Variants in MEGF10 observed in about 807,000 individuals in gnomAD.
The protein encoded by MEGF10 is multiple epidermal growth factor-like domains protein 10.
In MEGF10, 86 loss-of-function variants were observed where a neutral mutation model predicts 147.5. The observed-to-expected ratio is 0.58, with a 90% CI of 0.49 to 0.70. The LOEUF is 0.70. Among genes scored for constraint, MEGF10 ranks in the 30% least tolerant of loss-of-function variants. The pLI is 0.00. For synonymous variants in MEGF10, 478 were observed against 525.5 expected, an observed-to-expected ratio of 0.91 and a Z score of 1.24; for missense variants, 1,329 against 1,487.3, an observed-to-expected ratio of 0.89 and a Z score of 1.75.
intron 5 of MEGF10, among the ~76,000 whole-genome samples, chr5:127,372,799 G>C (rs949401191): frequency 6.6e-6 from 1 of 152,174 alleles, no homozygotes; most frequent in Admixed American, 6.5e-5. Context: ...CATCACTGGT[G>C]TCATCACTTG....
chr5:127,357,822 A>C (rs895234121), intron 4 of MEGF10, among the ~76,000 whole-genome samples: 1 of 152,194 alleles, frequency 6.6e-6, no homozygotes, highest in African/African-American at 2.4e-5. Flanking sequence ...TTCATCTTCC[A>C]TGGAAAAATC....
chr5:127,312,993 T>A (rs2126743390), intron 1 of MEGF10, among the ~76,000 whole-genome samples: 1 of 152,340 alleles, frequency 6.6e-6, no homozygotes, highest in African/African-American at 2.4e-5. Context: ...TTCTTTCTTT[T>A]TAAATGATGA....
At chr5:127,250,772 A>C in the MEGF10 span, among the ~76,000 whole-genome samples, 2 of 152,032 alleles carry the variant, frequency 1.3e-5, no homozygotes, top group Non-Finnish European at 2.9e-5. Flanking sequence ...AAATCCAAGG[A>C]ATTATCTGAA....
rs74573642 is a variant in MEGF10, at chr5:127,378,857, G to GT, written c.412+8867dup. On this transcript the variant is annotated intron_variant, in intron 5 of 24. Transcript: ENST00000503335. The stretch of plus-strand genomic sequence containing the variant: ...AAGTTTTATTTTGTTTTTGTTTTTG[G>GT]TTTTTTTTTTTTGGTGCATTATTTC... Among the ~76,000 whole-genome samples the GT allele has an allele frequency of 8.3e-3, 1,190 of 143,434 alleles. 7 individuals are homozygous for GT. The highest frequency in any genetic ancestry group is 0.012 in the Non-Finnish European group (780 of 65,122). 94.1% of individuals were successfully genotyped at this position (143,434 alleles called of 152,430 possible).
intron 4 of MEGF10, 65 bp from the exon 5 acceptor site, chr5:127,369,845 G>T: frequency 7.8e-7 from 1 of 1,281,148 alleles, no homozygotes; most frequent in South Asian, 1.3e-5. Flanking sequence ...ATGTGCAACA[G>T]CTGTGTTGTT....
the MEGF10 span, among the ~76,000 whole-genome samples, chr5:127,274,333 A>G: frequency 5.9e-5 from 9 of 152,220 alleles, no homozygotes; most frequent in Non-Finnish European, 1.2e-4. Flanking sequence ...AAGAAACCTG[A>G]AAATGGACTA....
intron 5 of MEGF10, among the ~76,000 whole-genome samples, chr5:127,391,101 C>CGCGT (rs1465416954): frequency 7.7e-5 from 2 of 26,038 alleles, no homozygotes; most frequent in Non-Finnish European, 2.5e-4. Flanking sequence ...CGCGCGCGCG[C>CGCGT]GCACACACAC....
chr5:127,342,612 A>G (rs996514453), intron 4 of MEGF10, among the ~76,000 whole-genome samples: 18 of 152,114 alleles, frequency 1.2e-4, no homozygotes, highest in African/African-American at 4.3e-4. Context: ...GCATAATTCA[A>G]CACCTCCGTT....
intron 1 of MEGF10, among the ~76,000 whole-genome samples, chr5:127,324,406 A>G (rs1341875341): frequency 6.6e-6 from 1 of 152,174 alleles, no homozygotes; most frequent in African/African-American, 2.4e-5. Context: ...TAGGAAATAA[A>G]CAGATTGAAC....
the MEGF10 span, among the ~76,000 whole-genome samples, chr5:127,245,337 A>G: frequency 6.6e-6 from 1 of 152,186 alleles, no homozygotes; most frequent in Non-Finnish European, 1.5e-5. Flanking sequence ...GACAAACCTG[A>G]CAAAACACAA....
intron 4 of MEGF10, among the ~76,000 whole-genome samples, chr5:127,349,691 T>G (rs182853146): frequency 0.022 from 3,305 of 150,356 alleles, 97 homozygotes; most frequent in Middle Eastern, 0.11. Flanking sequence ...CCTTTTTTTT[T>G]TTGTTTTTTT....
At chr5:127,445,896 A>T (rs1390035097) in intron 20 of MEGF10, among the ~76,000 whole-genome samples, 1 of 152,184 alleles carries the variant, frequency 6.6e-6, no homozygotes, top group Non-Finnish European at 1.5e-5. Flanking sequence ...GGTTTGCTAT[A>T]AGGGTTTTAA....
At chr5:127,275,478 T>G in the MEGF10 span, among the ~76,000 whole-genome samples, 1 of 152,178 alleles carries the variant, frequency 6.6e-6, no homozygotes, top group African/African-American at 2.4e-5. Context: ...GCAAGGGACA[T>G]AGAAACTACT....
At chr5:127,321,582 G>C (rs1057056049) in intron 1 of MEGF10, among the ~76,000 whole-genome samples, 5 of 152,026 alleles carry the variant, frequency 3.3e-5, no homozygotes, top group Non-Finnish European at 7.4e-5. Context: ...GTTTTCTTTT[G>C]ACCTTTGAGG....
chr5:127,265,283 T>C, the MEGF10 span, among the ~76,000 whole-genome samples: 1 of 152,200 alleles, frequency 6.6e-6, no homozygotes, highest in Non-Finnish European at 1.5e-5. Flanking sequence ...TATTCCATGG[T>C]GTATATGTGC....
At chr5:127,448,950 G>A in intron 21 of MEGF10, 149 bp from the exon 22 acceptor site, 2 of 938,434 alleles carry the variant, frequency 2.1e-6, no homozygotes, top group South Asian at 1.9e-5. Flanking sequence ...GTCCCACCAG[G>A]TTACAAGCAG....
rs1305221438 is a variant in MEGF10, at chr5:127,459,031, T to C, written c.*1713T>C. On this transcript the variant is annotated 3_prime_UTR_variant, in exon 25 of 25. Coordinates refer to ENST00000503335, the MANE Select transcript of MEGF10 (RefSeq NM_001256545.2). ...CAAGCAAAGGGGCTGAAAAACTGAA[T>C]AAGGAAACAACTTTATAAGAGAAAC... 1 of 152,176 alleles carries C rather than the reference T, an allele frequency of 6.6e-6. No homozygotes were observed. The highest frequency in any genetic ancestry group is 1.9e-4 in the East Asian group (1 of 5,200). The allele number at this position is 152,176 out of a possible 1,614,324, so 9.4% of individuals were successfully genotyped here.
chr5:127,420,813 C>T (rs1165755434), intron 12 of MEGF10, among the ~76,000 whole-genome samples: 1 of 152,170 alleles, frequency 6.6e-6, no homozygotes. Flanking sequence ...ACGGGAAGTG[C>T]ATTCTGGAGT....
the MEGF10 span, among the ~76,000 whole-genome samples, chr5:127,273,707 G>A: frequency 1.3e-5 from 2 of 152,084 alleles, no homozygotes; most frequent in Non-Finnish European, 2.9e-5. Flanking sequence ...ACATGATAAG[G>A]TCATACACAC....
Sources: gnomAD v4.1 joint callset for allele counts (sites outside exome capture counted in the v4.1 genomes callset) on GRCh38, gnomAD v4.1.1 for gene constraint, MANE v1.5 for transcripts, NCBI Gene and HGNC (gene_info 2026-07-23, HGNC 2026-07-21) for gene names.